The following ZNF407 variants were observed in gnomAD, a reference collection of about 807,000 sequenced individuals.
The protein encoded by ZNF407 is zinc finger protein 407.
ZNF407 carries 17 observed loss-of-function variants against 131.2 expected under a neutral mutation model. The ratio of observed to expected loss-of-function variants is 0.13; its 90% CI spans 0.09 to 0.19. ZNF407 has a LOEUF of 0.19. ZNF407 is among the 10% of genes least tolerant of loss of function. The pLI is 1.00. For synonymous variants in ZNF407, 1,156 were observed against 1,062.0 expected (o/e 1.09, Z -1.72); for missense variants, 2,681 against 2,830.6 (o/e 0.95, Z 1.20).
intron 4 of ZNF407, among the ~76,000 whole-genome samples, chr18:74,852,897 A>C (rs1260396578): frequency 1.3e-5 from 2 of 152,180 alleles, no homozygotes; most frequent in Non-Finnish European, 2.9e-5. Context: ...CAATTTTCTA[A>C]ATCTTGTATT....
intron 4 of ZNF407, among the ~76,000 whole-genome samples, chr18:74,829,365 A>C (rs1471540258): frequency 1.3e-5 from 2 of 152,216 alleles, no homozygotes; most frequent in Non-Finnish European, 2.9e-5. Flanking sequence ...ATGATCAAAA[A>C]CCGCCCATTT....
intron 3 of ZNF407, among the ~76,000 whole-genome samples, chr18:74,688,330 A>C (rs543550713): frequency 6.6e-6 from 1 of 152,354 alleles, no homozygotes; most frequent in East Asian, 1.9e-4. Flanking sequence ...ATATAGATGC[A>C]AAGTATAAGA....
At chr18:74,997,969 G>A (rs1205409043) in intron 8 of ZNF407, among the ~76,000 whole-genome samples, 1 of 152,150 alleles carries the variant, frequency 6.6e-6, no homozygotes, top group Non-Finnish European at 1.5e-5. Context: ...TACCCTGTGT[G>A]GAGATCACTC....
chr18:74,854,063 G>A (rs62089910), intron 4 of ZNF407, among the ~76,000 whole-genome samples: 1 of 152,172 alleles, frequency 6.6e-6, no homozygotes, highest in Non-Finnish European at 1.5e-5. Context: ...TGGCGGATGA[G>A]TGAGGGGGCC....
At chr18:74,883,761 C>T (rs560507891) in intron 6 of ZNF407, among the ~76,000 whole-genome samples, 1 of 152,226 alleles carries the variant, frequency 6.6e-6, no homozygotes, top group Non-Finnish European at 1.5e-5. Flanking sequence ...AGCCCTTCTG[C>T]TGTTCATCCT....
intron 4 of ZNF407, among the ~76,000 whole-genome samples, chr18:74,871,234 T>A (rs566740307): frequency 1.3e-5 from 2 of 152,222 alleles, no homozygotes; most frequent in Non-Finnish European, 2.9e-5. Context: ...CAGTTGCAGC[T>A]CTGAAGAAAT....
chr18:74,799,903 CT>C (rs35021931), intron 4 of ZNF407, among the ~76,000 whole-genome samples: 5,797 of 131,334 alleles, frequency 0.044, 124 homozygotes, highest in Middle Eastern at 0.077. Flanking sequence ...AAAAAAAATC[CT>C]TTTTTTTTTT....
intron 1 of ZNF407, among the ~76,000 whole-genome samples, chr18:74,617,162 C>G (rs1983347971): frequency 2.0e-5 from 3 of 150,158 alleles, no homozygotes; most frequent in African/African-American, 2.4e-5. Context: ...TATCCACGCA[C>G]CACACACATC....
chr18:74,890,141 T>TCTTTCGTTA, intron 7 of ZNF407, 103 bp downstream of exon 7: 1 of 1,277,468 alleles, frequency 7.8e-7, no homozygotes, highest in Non-Finnish European at 1.0e-6. Context: ...TCACCATGAG[T>TCTTTCGTTA]TCATATATTC....
intron 4 of ZNF407, among the ~76,000 whole-genome samples, chr18:74,817,220 A>G (rs1043536920): frequency 2.0e-5 from 3 of 152,214 alleles, no homozygotes; most frequent in African/African-American, 7.2e-5. Context: ...ACTCTTTTGC[A>G]GTTTGGATTT....
chr18:74,826,070 A>G (rs1471346510), intron 4 of ZNF407, among the ~76,000 whole-genome samples: 1 of 152,218 alleles, frequency 6.6e-6, no homozygotes, highest in Non-Finnish European at 1.5e-5. Flanking sequence ...TAAATACCAA[A>G]AGGAATTTCC....
At chr18:74,892,769 G>T (rs1411026882) in intron 7 of ZNF407, among the ~76,000 whole-genome samples, 1 of 152,116 alleles carries the variant, frequency 6.6e-6, no homozygotes, top group Non-Finnish European at 1.5e-5. Flanking sequence ...TTTAATCTGT[G>T]CATGGCCCCA....
intron 8 of ZNF407, among the ~76,000 whole-genome samples, chr18:75,033,042 G>C (rs1410326261): frequency 7.7e-6 from 1 of 129,806 alleles, no homozygotes; most frequent in Non-Finnish European, 1.6e-5. Flanking sequence ...AACTAAGACT[G>C]CTCGGAATGG....
chr18:75,000,578 T>C (rs1324153493), intron 8 of ZNF407, among the ~76,000 whole-genome samples: 1 of 152,218 alleles, frequency 6.6e-6, no homozygotes, highest in Non-Finnish European at 1.5e-5. Flanking sequence ...TTCCTTGATA[T>C]GGCATCTCTT....
intron 1 of ZNF407, among the ~76,000 whole-genome samples, chr18:74,617,907 C>G (rs1297266790): frequency 2.0e-5 from 3 of 152,162 alleles, no homozygotes; most frequent in African/African-American, 7.2e-5. Flanking sequence ...ATGGTCTTTG[C>G]CAGTATGCTT....
intron 4 of ZNF407, among the ~76,000 whole-genome samples, chr18:74,853,510 T>C (rs1264420079): frequency 1.3e-5 from 2 of 152,206 alleles, no homozygotes; most frequent in Non-Finnish European, 2.9e-5. Context: ...GCTTTACGAT[T>C]ATAGATTTTG....
At chr18:74,729,025 A>T (rs1406473512) in intron 3 of ZNF407, among the ~76,000 whole-genome samples, 2 of 152,252 alleles carry the variant, frequency 1.3e-5, no homozygotes, top group East Asian at 1.9e-4. Context: ...GAGCATAACC[A>T]GTGTTTTCCA....
chr18:74,628,387 C>G (rs1983897778), intron 1 of ZNF407, among the ~76,000 whole-genome samples: 1 of 152,082 alleles, frequency 6.6e-6, no homozygotes, highest in Admixed American at 6.5e-5. Flanking sequence ...TACCCTTTAG[C>G]TATCATTCTC....
At chr18:75,000,377 A>C (rs1348821923) in intron 8 of ZNF407, among the ~76,000 whole-genome samples, 1 of 152,242 alleles carries the variant, frequency 6.6e-6, no homozygotes, top group Admixed American at 6.5e-5. Flanking sequence ...TAAATATACT[A>C]ATATTATAAT....
Sources: allele counts gnomAD v4.1 joint callset (sites outside exome capture counted in the v4.1 genomes callset), GRCh38; gene constraint gnomAD v4.1.1; transcripts MANE v1.5; gene names NCBI Gene and HGNC (gene_info 2026-07-23, HGNC 2026-07-21).